CCDC51: variants seen among roughly 807,000 people sequenced by gnomAD.
The protein encoded by CCDC51 is coiled-coil domain containing 51.
A neutral mutation model predicts 24.8 loss-of-function variants in CCDC51; 25 were observed. The observed-to-expected ratio is 1.01, with a 90% CI of 0.73 to 1.41. The LOEUF (loss-of-function observed/expected upper bound fraction) is 1.41, where lower values mean the gene tolerates loss of function less well. Among genes scored for constraint, CCDC51 ranks in the 40% most tolerant of loss-of-function variants. The pLI, the probability that CCDC51 is intolerant of heterozygous loss-of-function variation, is 0.00. For synonymous variants in CCDC51, 190 were observed against 204.3 expected (o/e 0.93, Z 0.60); for missense variants, 466 against 519.1 (o/e 0.90, Z 0.99).
At chr3:48,439,447 C>T (rs1307337257) in intron 1 of CCDC51, among the ~76,000 whole-genome samples, 1 of 152,216 alleles carries the variant, frequency 6.6e-6, no homozygotes. Context: ...GCCTGGCCAA[C>T]ATGGCGAAAC....
At chr3:48,445,217 C>T (rs1442961179), upstream of CCDC51, 1 of 152,152 alleles carries the variant, frequency 6.6e-6, no homozygotes, top group East Asian at 1.9e-4. Flanking sequence ...TTGGATTTCC[C>T]TCCCAGGCCC....
upstream of CCDC51, among the ~76,000 whole-genome samples, chr3:48,441,413 C>T (rs1270415375): frequency 1.3e-5 from 2 of 151,342 alleles, no homozygotes; most frequent in Non-Finnish European, 2.9e-5. Flanking sequence ...GAACTCCTGA[C>T]TTCAAGTGAT....
chr3:48,443,254 A>G (rs1480565863), upstream of CCDC51, among the ~76,000 whole-genome samples: 1 of 151,276 alleles, frequency 6.6e-6, no homozygotes, highest in Non-Finnish European at 1.5e-5. Flanking sequence ...AAAAAAAAAA[A>G]AAAAAAAAAA....
chr3:48,432,864 C>A lies in CCDC51; in HGVS notation c.780G>T (p.Arg260Ser). ...EQASSYSRQQ[R>S]DLHNLMVDLR... ...GGTCCACCATGAGATTGTGGAGGTCCCTCTGCTGGCGGGAGTAGCTAGACG... is the reference window on the plus strand; with the variant it reads ...GGTCCACCATGAGATTGTGGAGGTCACTCTGCTGGCGGGAGTAGCTAGACG... The change falls in exon 4 of 4, where the codon AGG (arginine) becomes AGT (serine). Residue 260 changes from arginine (R) to serine (S), a missense_variant. Transcript: ENST00000395694. 6.2e-7 allele frequency: 1 copy of A among 1,613,692 alleles called. No homozygotes were observed. Among genetic ancestry groups the A allele is most frequent in the Non-Finnish European group, 8.5e-7 (1 of 1,179,754 alleles).
At chr3:48,436,679 G>A (rs1230997094) in intron 1 of CCDC51, among the ~76,000 whole-genome samples, 2 of 152,184 alleles carry the variant, frequency 1.3e-5, no homozygotes, top group Non-Finnish European at 2.9e-5. Context: ...TGCAGTGTCC[G>A]CCATGGCTGG....
rs958115225 is a variant in CCDC51, at chr3:48,432,581, C to T, written c.1063G>A (p.Gly355Arg). The change falls in exon 4 of 4, where the codon GGG becomes AGG. Residue 355 changes from glycine (G) to arginine (R), a missense_variant. Physicochemically the swap from Gly to Arg is moderately radical, Grantham distance 125. Coordinates refer to ENST00000395694, the MANE Select transcript of CCDC51 (RefSeq NM_001256964.2). ...TCCAGCAAGAAGCTGGGCATAGCCCCGTCTGCTGGTTCCACCAGGCCTGGG... is the reference window on the plus strand; with the variant it reads ...TCCAGCAAGAAGCTGGGCATAGCCCTGTCTGCTGGTTCCACCAGGCCTGGG... ...AHPGLVEPAD[G>R]AMPSFLLEQG... 2.5e-6 allele frequency: 4 copies of T among 1,614,246 alleles called. No homozygotes were observed. The highest frequency in any genetic ancestry group is 2.2e-5 in the East Asian group (1 of 44,880).
chr3:48,432,254 A>G lies in CCDC51; in HGVS notation c.*154T>C, dbSNP rs2039188226. Reference sequence around the variant, plus strand: ...ATTAATGTAAATGAACCTTGTCTACAAAGCGAAGCATGCCTGCTGGTGAGC... The same window carrying G: ...ATTAATGTAAATGAACCTTGTCTACGAAGCGAAGCATGCCTGCTGGTGAGC... On this transcript the variant is annotated 3_prime_UTR_variant, in exon 4 of 4. Transcript: ENST00000395694. 2 of 766,330 alleles carry G rather than the reference A, an allele frequency of 2.6e-6. No individual in the cohort carries two copies. The highest frequency in any genetic ancestry group is 5.4e-5 in the East Asian group (2 of 37,264). 47.5% of individuals were successfully genotyped at this position (766,330 alleles called of 1,614,324 possible). A position where few individuals can be genotyped will look rare whatever the true frequency, so the allele number is the denominator to read the frequency against.
chr3:48,432,351 T>C lies in CCDC51; in HGVS notation c.*57A>G. ...GGCTCGCTTCATTGCTACGATTCTCTACTTAAATCCACATTCACAGCTATT... is the reference window on the plus strand; with the variant it reads ...GGCTCGCTTCATTGCTACGATTCTCCACTTAAATCCACATTCACAGCTATT... On this transcript the variant is annotated 3_prime_UTR_variant, in exon 4 of 4. Coordinates refer to ENST00000395694, the MANE Select transcript of CCDC51 (RefSeq NM_001256964.2). 6.3e-7 allele frequency: 1 copy of C among 1,591,490 alleles called. No individual in the cohort carries two copies. The highest frequency in any genetic ancestry group is 8.6e-7 in the Non-Finnish European group (1 of 1,164,688).
chr3:48,439,548 C>T (rs907535538), intron 1 of CCDC51, among the ~76,000 whole-genome samples: 1 of 152,082 alleles, frequency 6.6e-6, no homozygotes, highest in Non-Finnish European at 1.5e-5. Context: ...ATGAGAATCG[C>T]TTGAACCCAG....
Position 48,437,766 on chromosome 3 carries a change from T to C in CCDC51, c.-9+2222A>G, listed in dbSNP as rs1436839582. The C allele has an allele frequency of 6.6e-6, 1 of 152,076 alleles. No homozygotes were observed. Among genetic ancestry groups the C allele is most frequent in the East Asian group, 1.9e-4 (1 of 5,194 alleles). The allele number at this position is 152,076 out of a possible 1,614,324, so 9.4% of individuals were successfully genotyped here. On this transcript the variant is annotated intron_variant, in intron 1 of 3. Transcript: ENST00000395694. The surrounding 1 kb of genome is among the most constrained non-coding windows in gnomAD (Gnocchi z 4.2). The stretch of plus-strand genomic sequence containing the variant: ...AATAATAAAAAGTTGGAAGAGAACT[T>C]CCACAAACTCCCACCATACCTTCCC...
At chr3:48,440,297 A>G (rs749111503), upstream of CCDC51, 2 of 1,606,512 alleles carry the variant, frequency 1.2e-6, no homozygotes, top group South Asian at 1.1e-5. Context: ...GGCAGGCGCC[A>G]TGTCCGGCCG....
chr3:48,432,975 G>C lies in CCDC51; in HGVS notation c.669C>G (p.Asn223Lys), dbSNP rs761627975. Reference protein sequence around the residue: ...LIGVAGSTYVNRVRLQELKAL... With the variant: ...LIGVAGSTYVKRVRLQELKAL... ...CCTTCAGCTCCTGTAGTCGCACACG[G>C]TTCACATAGGTGGAGCCAGCCACAC... Residue 223 changes from asparagine to lysine, a missense_variant, in exon 4 of 4, where the codon AAC becomes AAG. By Grantham distance (94) the Asn-to-Lys change is moderately conservative. Transcript: ENST00000395694. The C allele has an allele frequency of 6.2e-7, 1 of 1,614,182 alleles. No homozygotes were observed. Among genetic ancestry groups the C allele is most frequent in the South Asian group, 1.1e-5 (1 of 91,084 alleles).
upstream of CCDC51, among the ~76,000 whole-genome samples, chr3:48,442,395 T>C (rs2039591583): frequency 6.6e-6 from 1 of 152,026 alleles, no homozygotes; most frequent in South Asian, 2.1e-4. Context: ...TTTTAAGGTT[T>C]ATTTTGTCAG....
In CCDC51 at chr3:48,433,563, C is replaced by A. The variant is rs572776422; in HGVS notation, c.477+144G>T. ...GGATAGACTCTGGAAGCTTGGGGTT[C>A]TGTCCATCCATAGGAGCTTCTGGCT... On this transcript the variant is annotated intron_variant, in intron 3 of 3. Transcript: ENST00000395694. This position sits in a 1 kb window ranked among gnomAD's most constrained non-coding sequence, Gnocchi z 4.4. The A allele has an allele frequency of 6.7e-4, 574 of 853,450 alleles. 4 individuals carry two copies. The highest frequency in any genetic ancestry group is 5.2e-3 in the South Asian group (309 of 59,886). The allele number at this position is 853,450 out of a possible 1,614,324, so 52.9% of individuals were successfully genotyped here.
upstream of CCDC51, chr3:48,440,955 C>T: frequency 4.6e-6 from 2 of 433,952 alleles, no homozygotes; most frequent in Non-Finnish European, 8.3e-6. Flanking sequence ...ATCTTTTGCC[C>T]CAAATTCGTA....
At chr3:48,445,823 T>A in the CCDC51 span, among the ~76,000 whole-genome samples, 1 of 152,184 alleles carries the variant, frequency 6.6e-6, no homozygotes, top group Admixed American at 6.5e-5. Flanking sequence ...CTCCTGTTAC[T>A]CTCCATTGCC....
At position 48,432,922 on chromosome 3, in the gene CCDC51, G is replaced by T. The variant is rs781272161; in HGVS notation, c.722C>A (p.Pro241His). ...TCGAATGGCCTCTTGGAGACTCACA[G>T]GCCCCTTCTGCGCCTCCAGGAGTAA... ...KALLLEAQKG[P>H]VSLQEAIREQ... is the part of the protein sequence containing the mutation. The change falls in exon 4 of 4, where the codon CCT becomes CAT. Residue 241 changes from proline to histidine, a missense_variant. Coordinates refer to ENST00000395694, the MANE Select transcript of CCDC51 (RefSeq NM_001256964.2). The T allele has an allele frequency of 2.5e-6, 4 of 1,614,032 alleles. No homozygotes were observed. The highest frequency in any genetic ancestry group is 3.4e-6 in the Non-Finnish European group (4 of 1,180,026).
At chr3:48,443,243 A>C (rs2039607853), upstream of CCDC51, among the ~76,000 whole-genome samples, 1 of 5,336 alleles carries the variant, frequency 1.9e-4, no homozygotes, top group Admixed American at 2.9e-3. Context: ...TCCATCTCCA[A>C]AAAAAAAAAA....
At chr3:48,443,722 C>A (rs1405090179), upstream of CCDC51, 2 of 618,126 alleles carry the variant, frequency 3.2e-6, no homozygotes, top group African/African-American at 1.9e-5. Flanking sequence ...AAGCTGCTAT[C>A]CATGCTTGTG....
Sources: allele counts gnomAD v4.1 joint callset (sites outside exome capture counted in the v4.1 genomes callset), GRCh38; gene constraint gnomAD v4.1.1; non-coding constraint Gnocchi (gnomAD v3.1); transcripts MANE v1.5; gene names NCBI Gene and HGNC (gene_info 2026-07-23, HGNC 2026-07-21).